Variants in ARRDC5 observed in about 807,000 individuals in gnomAD.
ARRDC5 encodes the protein arrestin domain-containing protein 5.
ARRDC5 carries 12 observed loss-of-function variants against 13.3 expected under a neutral mutation model. The observed-to-expected ratio is 0.90, with a 90% CI of 0.58 to 1.46. The LOEUF (loss-of-function observed/expected upper bound fraction) is 1.46, where lower values mean the gene tolerates loss of function less well. ARRDC5 is among the 40% of genes most tolerant of loss of function. ARRDC5 has a pLI of 0.00. For missense variants in ARRDC5, 406 were observed against 418.7 expected (o/e 0.97, Z 0.26); for synonymous variants, 181 against 173.4 (o/e 1.04, Z -0.34).
At chr19:4,903,240 G>A (rs28657067), upstream of ARRDC5, 14,925 of 192,054 alleles carry the variant, frequency 0.078, 751 homozygotes, top group Admixed American at 0.18. Flanking sequence ...GGATGGTCTC[G>A]ATCTCCTGAC....
chr19:4,912,142 T>A, the ARRDC5 span, among the ~76,000 whole-genome samples: 2 of 152,142 alleles, frequency 1.3e-5, no homozygotes, highest in African/African-American at 4.8e-5. Flanking sequence ...GTCTTAAGAA[T>A]CTGAGTTAAC....
chr19:4,894,541 G>A (rs1294494785), intron 2 of ARRDC5, among the ~76,000 whole-genome samples: 4 of 125,354 alleles, frequency 3.2e-5, no homozygotes, highest in Non-Finnish European at 3.4e-5. Flanking sequence ...AAAATTAGCC[G>A]GGCATGGTGG....
chr19:4,899,970 A>G (rs960276597), intron 1 of ARRDC5, among the ~76,000 whole-genome samples: 6 of 148,674 alleles, frequency 4.0e-5, no homozygotes, highest in Non-Finnish European at 5.9e-5. Flanking sequence ...AAAAGAAAAC[A>G]ACTAGCAACA....
In ARRDC5 at chr19:4,891,568, G is replaced by T; in HGVS notation, c.465C>A (p.Pro155=). Residue 155 remains proline (P), a synonymous_variant, in exon 3 of 3, where the codon CCC becomes CCA. Coordinates refer to ENST00000650722, the MANE Select transcript of ARRDC5 (RefSeq NM_001080523.3). ...CTTTCTCCTCAGCCTCCACGAACAA[G>T]GGGTTCTAGGAGGATGTGGGGGAAC... ...TFHKETPFQN[P]LFVEAEEKVS... is the part of the protein sequence containing the mutation. 1 of 1,610,534 alleles carries T rather than the reference G, an allele frequency of 6.2e-7. No homozygotes were observed. Among genetic ancestry groups the T allele is most frequent in the South Asian group, 1.1e-5 (1 of 90,460 alleles).
chr19:4,909,378 C>G, the ARRDC5 span: 1 of 620,100 alleles, frequency 1.6e-6, no homozygotes, highest in South Asian at 1.8e-5. Context: ...GCGGGGGCGC[C>G]CCCCACCCTC....
chr19:4,891,375 C>A lies in ARRDC5; in HGVS notation c.658G>T (p.Gly220Cys). 6.2e-7 allele frequency: 1 copy of A among 1,613,630 alleles called. No homozygotes were observed. The highest frequency in any genetic ancestry group is 8.5e-7 in the Non-Finnish European group (1 of 1,179,888). ...CGCCGCTCTGCACTGGGCGTGAAGC[C>A]CTCGTACTGTATGTGGGCATACAGG... is the stretch of plus-strand genomic sequence containing the variant. ...FALYAHIQYEGFTPSAERRSR... is the reference protein window; with the variant it reads ...FALYAHIQYECFTPSAERRSR... Residue 220 changes from glycine (G) to cysteine (C), a missense_variant, in exon 3 of 3, where the codon GGC (glycine) becomes TGC (cysteine). Gly to Cys is a radical substitution (Grantham distance 159). Transcript: ENST00000650722.
upstream of ARRDC5, chr19:4,903,029 C>CT (rs575208681): frequency 0.01 from 4,604 of 445,286 alleles, no homozygotes; most frequent in East Asian, 0.032. Flanking sequence ...CTCACTGGTT[C>CT]TTTTTTTTTT....
At chr19:4,914,126 C>G in the ARRDC5 span, among the ~76,000 whole-genome samples, 1 of 152,118 alleles carries the variant, frequency 6.6e-6, no homozygotes, top group Admixed American at 6.6e-5. Flanking sequence ...GCATCCGGCC[C>G]CCATGCAGTA....
At chr19:4,897,857 C>T (rs764974385) in intron 1 of ARRDC5, among the ~76,000 whole-genome samples, 7 of 152,190 alleles carry the variant, frequency 4.6e-5, no homozygotes, top group Non-Finnish European at 8.8e-5. Flanking sequence ...GAGGCCAAGG[C>T]GGGCGGATCA....
chr19:4,910,897 G>A, the ARRDC5 span: 1 of 1,612,450 alleles, frequency 6.2e-7, no homozygotes, highest in Non-Finnish European at 8.5e-7. Context: ...TGTGGATCCA[G>A]GTTCGGACCA....
rs1411702622 is a variant in ARRDC5, at chr19:4,891,375, C to T, written c.658G>A (p.Gly220Ser). 1.3e-5 allele frequency: 21 copies of T among 1,613,512 alleles called. No individual in the cohort carries two copies. Among genetic ancestry groups the T allele is most frequent in the Non-Finnish European group, 1.8e-5 (21 of 1,179,896 alleles). The change falls in exon 3 of 3, where the codon GGC becomes AGC. Residue 220 changes from glycine to serine, a missense_variant. Transcript: ENST00000650722. ...CGCCGCTCTGCACTGGGCGTGAAGC[C>T]CTCGTACTGTATGTGGGCATACAGG... is the stretch of plus-strand genomic sequence containing the variant. Reference protein sequence around the residue: ...FALYAHIQYEGFTPSAERRSR... With the variant: ...FALYAHIQYESFTPSAERRSR...
At chr19:4,895,751 G>A (rs2031689697) in intron 2 of ARRDC5, among the ~76,000 whole-genome samples, 1 of 152,142 alleles carries the variant, frequency 6.6e-6, no homozygotes, top group African/African-American at 2.4e-5. Flanking sequence ...CCACCCTGAG[G>A]GTCACCCTGT....
the ARRDC5 span, chr19:4,910,922 A>G: frequency 6.2e-7 from 1 of 1,613,478 alleles, no homozygotes; most frequent in Non-Finnish European, 8.5e-7. Flanking sequence ...CGGGAGGCAG[A>G]CCCACACGGT....
chr19:4,896,981 C>T (rs999893369), intron 1 of ARRDC5, 105 bp from the exon 2 acceptor site: 48 of 761,652 alleles, frequency 6.3e-5, no homozygotes, highest in Admixed American at 2.1e-4. Context: ...TTTTGAGACA[C>T]GGTCTCACTC....
At chr19:4,894,060 A>G (rs1489833974) in intron 2 of ARRDC5, among the ~76,000 whole-genome samples, 1 of 147,162 alleles carries the variant, frequency 6.8e-6, no homozygotes, top group African/African-American at 2.5e-5. Flanking sequence ...AAAAAAAAAA[A>G]AAGAGGAGAA....
At chr19:4,891,903 C>T (rs1032477720) in intron 2 of ARRDC5, among the ~76,000 whole-genome samples, 20 of 145,976 alleles carry the variant, frequency 1.4e-4, no homozygotes, top group African/African-American at 4.9e-4. Flanking sequence ...TGCAGTGAGC[C>T]GAGATTGTGT....
chr19:4,916,704 T>C, the ARRDC5 span, among the ~76,000 whole-genome samples: 1 of 152,220 alleles, frequency 6.6e-6, no homozygotes, highest in Non-Finnish European at 1.5e-5. Context: ...GCATCCGTTT[T>C]TCCTTCCTCC....
the ARRDC5 span, among the ~76,000 whole-genome samples, chr19:4,913,251 G>A: frequency 1.2e-5 from 1 of 83,332 alleles, no homozygotes; most frequent in East Asian, 2.4e-4. Flanking sequence ...TGTACATTGT[G>A]CTTTTTTTTT....
chr19:4,901,600 C>T (rs999988353), intron 1 of ARRDC5, among the ~76,000 whole-genome samples: 3 of 151,660 alleles, frequency 2.0e-5, no homozygotes, highest in South Asian at 2.1e-4. Flanking sequence ...GGAAGCAGGG[C>T]GAGACTGTGT....
Sources: allele counts gnomAD v4.1 joint callset (sites outside exome capture counted in the v4.1 genomes callset), GRCh38; gene constraint gnomAD v4.1.1; transcripts MANE v1.5; gene names NCBI Gene and HGNC (gene_info 2026-07-23, HGNC 2026-07-21).